WWOX: variants seen among roughly 807,000 people sequenced by gnomAD.
WWOX encodes WW domain-containing oxidoreductase.
WWOX carries 69 observed loss-of-function variants against 46.2 expected under a neutral mutation model. The ratio of observed to expected loss-of-function variants is 1.49; its 90% confidence interval spans 1.23 to 1.82. The LOEUF is 1.82. WWOX is among the 40% of genes most tolerant of loss of function. WWOX has a pLI of 0.00. For synonymous variants in WWOX, 359 were observed against 202.6 expected (o/e 1.77, Z -6.56); for missense variants, 919 against 542.6 (o/e 1.69, Z -6.89).
At chr16:78,544,810 G>C (rs1321629903) in intron 8 of WWOX, among the ~76,000 whole-genome samples, 2 of 152,134 alleles carry the variant, frequency 1.3e-5, no homozygotes, top group Non-Finnish European at 2.9e-5. Flanking sequence ...AGAAGTTCAA[G>C]GCTGCAGTGA....
At chr16:78,972,449 A>G (rs1390223663) in intron 8 of WWOX, among the ~76,000 whole-genome samples, 6 of 145,146 alleles carry the variant, frequency 4.1e-5, no homozygotes, top group African/African-American at 1.6e-4. Flanking sequence ...AGTCACTGGA[A>G]GGAAGTCAGC....
rs370363133 is a variant in WWOX, at chr16:78,593,758, C to G, written c.1056+161006C>G. ...AAAAAGAGAGAGAGAGAGAGAGAGA[C>G]TGATACACAAAGAGAATCAGAAAGG... On this transcript the variant is annotated intron_variant, in intron 8 of 8. Coordinates refer to ENST00000566780, the MANE Select transcript of WWOX (RefSeq NM_016373.4). 4.1e-4 allele frequency among the ~76,000 whole-genome samples: 54 copies of G among 131,920 alleles called. No individual in the cohort carries two copies. In the South Asian group the frequency reaches 7.4e-3, roughly 18 times the overall value. 86.5% of individuals were successfully genotyped at this position (131,920 alleles called of 152,430 possible).
chr16:79,042,855 T>G (rs901845210), intron 8 of WWOX, among the ~76,000 whole-genome samples: 5 of 152,092 alleles, frequency 3.3e-5, no homozygotes, highest in Non-Finnish European at 7.4e-5. Flanking sequence ...ATAGCTCAAA[T>G]TTAATTAAAA....
At chr16:78,860,908 C>G (rs1311713884) in intron 8 of WWOX, among the ~76,000 whole-genome samples, 4 of 152,178 alleles carry the variant, frequency 2.6e-5, no homozygotes, top group Non-Finnish European at 4.4e-5. Context: ...CTCAACCTCC[C>G]AGGCCCAGGT....
At chr16:79,208,253 C>G (rs140367928) in intron 8 of WWOX, among the ~76,000 whole-genome samples, 3 of 152,124 alleles carry the variant, frequency 2.0e-5, no homozygotes, top group Admixed American at 2.0e-4. Context: ...CTGGGCTTCC[C>G]AGAAATTCTC....
intron 5 of WWOX, among the ~76,000 whole-genome samples, chr16:78,234,154 T>C (rs1597382751): frequency 1.3e-5 from 2 of 152,078 alleles, no homozygotes; most frequent in East Asian, 3.9e-4. Context: ...TTAGAATAAA[T>C]TCACTGTGTA....
chr16:78,184,208 C>G (rs1051561747), intron 5 of WWOX, among the ~76,000 whole-genome samples: 1 of 151,974 alleles, frequency 6.6e-6, no homozygotes, highest in African/African-American at 2.4e-5. Context: ...TGTCAGGGTC[C>G]CAAATGTTCA....
At chr16:78,151,680 TTAGA>T (rs2034413225) in intron 4 of WWOX, among the ~76,000 whole-genome samples, 1 of 152,192 alleles carries the variant, frequency 6.6e-6, no homozygotes, top group Non-Finnish European at 1.5e-5. Context: ...GAATTATCAA[TTAGA>T]TAGCATTTGG....
intron 6 of WWOX, among the ~76,000 whole-genome samples, chr16:78,388,219 T>A (rs371140739): frequency 1.1e-4 from 17 of 152,170 alleles, no homozygotes; most frequent in East Asian, 3.9e-4. Context: ...TTAGTAGACA[T>A]AGGGTTTCAC....
intron 8 of WWOX, among the ~76,000 whole-genome samples, chr16:78,689,371 C>T (rs902508033): frequency 2.0e-5 from 3 of 152,214 alleles, no homozygotes; most frequent in East Asian, 3.9e-4. Flanking sequence ...TTAAGAAACT[C>T]TGGCTGAGTC....
chr16:78,791,881 AAACAACAAC>A (rs577055974), intron 8 of WWOX, among the ~76,000 whole-genome samples: 3 of 152,176 alleles, frequency 2.0e-5, no homozygotes, highest in East Asian at 1.9e-4. Context: ...TTTGTCTCAA[AAACAACAAC>A]AACAACAACA....
chr16:78,250,604 G>C (rs2037958678), intron 5 of WWOX, among the ~76,000 whole-genome samples: 1 of 152,170 alleles, frequency 6.6e-6, no homozygotes, highest in African/African-American at 2.4e-5. Flanking sequence ...AGGTTCAAGA[G>C]CTGAAGAAGA....
At chr16:78,464,853 A>G (rs1298391461) in intron 8 of WWOX, among the ~76,000 whole-genome samples, 1 of 152,186 alleles carries the variant, frequency 6.6e-6, no homozygotes, top group Non-Finnish European at 1.5e-5. Context: ...AATAAAACAT[A>G]TTACTCCATT....
chr16:78,650,350 C>A (rs1004125954), intron 8 of WWOX, among the ~76,000 whole-genome samples: 29 of 152,182 alleles, frequency 1.9e-4, no homozygotes, highest in Non-Finnish European at 3.7e-4. Flanking sequence ...TAATTTCTCT[C>A]TTAAATTCCA....
At chr16:78,923,410 T>G (rs1340631243) in intron 8 of WWOX, among the ~76,000 whole-genome samples, 1 of 152,234 alleles carries the variant, frequency 6.6e-6, no homozygotes, top group African/African-American at 2.4e-5. Context: ...TTCTTCTATA[T>G]AAGTCCCAGG....
chr16:78,641,635 G>A (rs191422867), intron 8 of WWOX, among the ~76,000 whole-genome samples: 9 of 152,280 alleles, frequency 5.9e-5, no homozygotes, highest in African/African-American at 1.9e-4. Context: ...TGCCCGGCTC[G>A]TGGTTAACCC....
intron 8 of WWOX, among the ~76,000 whole-genome samples, chr16:78,916,621 G>C (rs1269117873): frequency 1.3e-5 from 2 of 152,170 alleles, no homozygotes; most frequent in Non-Finnish European, 2.9e-5. Flanking sequence ...ATTGGGATTG[G>C]CCTAGACGAG....
At chr16:78,806,599 A>T (rs755597898) in intron 8 of WWOX, among the ~76,000 whole-genome samples, 5 of 152,060 alleles carry the variant, frequency 3.3e-5, no homozygotes, top group African/African-American at 4.8e-5. Flanking sequence ...GTCTCCATGT[A>T]CCCTGAGCTT....
intron 8 of WWOX, among the ~76,000 whole-genome samples, chr16:78,693,659 A>T (rs1481807111): frequency 1.3e-5 from 2 of 152,160 alleles, no homozygotes; most frequent in Non-Finnish European, 2.9e-5. Flanking sequence ...TGGTGCGGTG[A>T]CATAACTATT....
Sources: allele counts gnomAD v4.1 joint callset (sites outside exome capture counted in the v4.1 genomes callset), GRCh38; gene constraint gnomAD v4.1.1; transcripts MANE v1.5; gene names NCBI Gene and HGNC (gene_info 2026-07-23, HGNC 2026-07-21).